Variants in VPS35L observed in about 807,000 individuals in gnomAD.
VPS35L encodes the protein VPS35 endosomal protein-sorting factor-like.
A neutral mutation model predicts 133.0 loss-of-function variants in VPS35L; 83 were observed. That is an observed-to-expected ratio of 0.62 (90% confidence interval 0.52 to 0.75). The LOEUF (loss-of-function observed/expected upper bound fraction) is 0.75, where lower values mean the gene tolerates loss of function less well. VPS35L is among the 30% of genes least tolerant of loss of function. The pLI is 0.00. For synonymous variants in VPS35L, 423 were observed against 449.9 expected, an observed-to-expected ratio of 0.94 and a Z score of 0.76; for missense variants, 1,083 against 1,206.8, an observed-to-expected ratio of 0.90 and a Z score of 1.52.
chr16:19,686,357 G>A (rs1003516881), intron 28 of VPS35L, among the ~76,000 whole-genome samples: 19 of 152,200 alleles, frequency 1.2e-4, no homozygotes, highest in African/African-American at 4.3e-4. Flanking sequence ...ACATTGCCTG[G>A]AGCAATCCCT....
At chr16:19,588,157 A>ATGT (rs1971930228) in intron 7 of VPS35L, among the ~76,000 whole-genome samples, 1 of 138,162 alleles carries the variant, frequency 7.2e-6, no homozygotes, top group African/African-American at 2.9e-5. Flanking sequence ...TGGGTAATAT[A>ATGT]AGTATGTATG....
intron 4 of VPS35L, among the ~76,000 whole-genome samples, chr16:19,573,740 G>A (rs1341140525): frequency 1.3e-5 from 2 of 152,124 alleles, no homozygotes; most frequent in Admixed American, 6.5e-5. Flanking sequence ...TTGAACCCGG[G>A]AAGTGGAGGT....
At chr16:19,604,879 T>G (rs1972494907) in intron 9 of VPS35L, among the ~76,000 whole-genome samples, 1 of 152,250 alleles carries the variant, frequency 6.6e-6, no homozygotes, top group African/African-American at 2.4e-5. Context: ...TTAGATGTGG[T>G]CATTTTTTCC....
At chr16:19,648,725 A>G (rs1395588954) in intron 24 of VPS35L, among the ~76,000 whole-genome samples, 2 of 151,926 alleles carry the variant, frequency 1.3e-5, no homozygotes, top group Admixed American at 6.6e-5. Context: ...AAAGTTAGTC[A>G]GGCGGGGTGG....
chr16:19,577,245 C>G (rs1032858880), intron 5 of VPS35L, among the ~76,000 whole-genome samples: 10 of 152,140 alleles, frequency 6.6e-5, no homozygotes, highest in African/African-American at 2.4e-4. Context: ...TGCTTCCACT[C>G]ATGGTGAAAG....
chr16:19,567,658 TG>T (rs1230235074), intron 2 of VPS35L, among the ~76,000 whole-genome samples: 1 of 152,042 alleles, frequency 6.6e-6, no homozygotes, highest in Non-Finnish European at 1.5e-5. Context: ...TCGACAGGTT[TG>T]AGGGCAAGGT....
rs60521137 is a variant in VPS35L, at chr16:19,622,140, C to CTTTTTTTTTTT, written c.1225-4025_1225-4015dup. Among the ~76,000 whole-genome samples the CTTTTTTTTTTT allele has an allele frequency of 1.4e-3, 154 of 107,896 alleles. 2 individuals are homozygous for CTTTTTTTTTTT. The highest frequency in any genetic ancestry group is 5.6e-3 in the East Asian group (17 of 3,030). The allele number at this position is 107,896 out of a possible 152,430, so 70.8% of individuals were successfully genotyped here. On this transcript the variant is annotated intron_variant, in intron 14 of 30. Coordinates refer to ENST00000417362, the MANE Select transcript of VPS35L (RefSeq NM_020314.7). The stretch of plus-strand genomic sequence containing the variant: ...TTGATTCCAGGATCTCCATGTATAT[C>CTTTTTTTTTTT]TTTTTTTTTTTTTTTTTTTTTTAAG...
At chr16:19,603,452 A>T (rs185482495) in intron 9 of VPS35L, among the ~76,000 whole-genome samples, 2 of 152,346 alleles carry the variant, frequency 1.3e-5, no homozygotes, top group African/African-American at 4.8e-5. Context: ...TATGTTGATT[A>T]CATGTTGAAA....
chr16:19,559,704 TC>T (rs1970966872), intron 1 of VPS35L, among the ~76,000 whole-genome samples: 1 of 152,140 alleles, frequency 6.6e-6, no homozygotes, highest in Admixed American at 6.5e-5. Context: ...AAGATTTATT[TC>T]CACAAGCAGT....
chr16:19,618,245 AG>A (rs1286927865), intron 14 of VPS35L, among the ~76,000 whole-genome samples: 3 of 152,170 alleles, frequency 2.0e-5, no homozygotes, highest in Non-Finnish European at 4.4e-5. Context: ...ACATGTTGAA[AG>A]CTGTACAGAA....
intron 4 of VPS35L, among the ~76,000 whole-genome samples, chr16:19,573,617 G>C (rs1326028103): frequency 2.0e-5 from 3 of 152,010 alleles, no homozygotes; most frequent in Non-Finnish European, 2.9e-5. Context: ...TCAGGAGTTC[G>C]AGACCAGCCT....
chr16:19,604,360 C>G (rs1223817495), intron 9 of VPS35L, among the ~76,000 whole-genome samples: 1 of 152,138 alleles, frequency 6.6e-6, no homozygotes, highest in African/African-American at 2.4e-5. Context: ...ATAACTAACT[C>G]CTTGCCTAAA....
chr16:19,663,604 A>AT (rs1019515266), intron 26 of VPS35L, among the ~76,000 whole-genome samples: 22 of 143,470 alleles, frequency 1.5e-4, no homozygotes, highest in African/African-American at 5.5e-4. Flanking sequence ...ACCTCAAAAC[A>AT]TATAGATCTG....
intron 9 of VPS35L, among the ~76,000 whole-genome samples, chr16:19,606,818 C>T (rs747322296): frequency 5.3e-5 from 8 of 152,166 alleles, no homozygotes; most frequent in Non-Finnish European, 1.2e-4. Flanking sequence ...TACTCTGTCT[C>T]GCTCTGCCCA....
At position 19,681,619 on chromosome 16, in the gene VPS35L, T is replaced by C. The variant is rs1225809910; in HGVS notation, c.2362-606T>C. Among the ~76,000 whole-genome samples the C allele has an allele frequency of 2.0e-5, 3 of 152,210 alleles. No individual in the cohort carries two copies. The East Asian group carries it at 5.8e-4, about 29-fold the overall frequency. On this transcript the variant is annotated intron_variant, in intron 27 of 30. Transcript: ENST00000417362. ...CTTACTTTTTTACACCCCAAAACTT[T>C]TTATAGATTCAGTTTAGCATCTGAG...
At chr16:19,644,856 G>A (rs754693151) in intron 22 of VPS35L, 30 bp from the exon 23 acceptor site, 66 of 1,497,542 alleles carry the variant, frequency 4.4e-5, no homozygotes, top group East Asian at 6.9e-5. Context: ...TATTACCTCC[G>A]TGTTAATTAT....
At chr16:19,696,696 C>T (rs1346664428) in intron 29 of VPS35L, among the ~76,000 whole-genome samples, 3 of 152,084 alleles carry the variant, frequency 2.0e-5, no homozygotes, top group South Asian at 2.1e-4. Flanking sequence ...CCCTCAGACA[C>T]GTCTCCAATG....
At position 19,652,305 on chromosome 16, in the gene VPS35L, A is replaced by G. The variant is rs572053833; in HGVS notation, c.2221+215A>G. ...AGTCCTCCTGAGTAGCTGGGACTGCAGGCGCACACCACCACACACAGCTAA... is the reference window on the plus strand; with the variant it reads ...AGTCCTCCTGAGTAGCTGGGACTGCGGGCGCACACCACCACACACAGCTAA... On this transcript the variant is annotated intron_variant, in intron 26 of 30. Transcript: ENST00000417362. 45 of 511,462 alleles carry G rather than the reference A, an allele frequency of 8.8e-5. No individual in the cohort carries two copies. The East Asian group carries it at 1.4e-3, about 16-fold the overall frequency. 31.7% of individuals were successfully genotyped at this position (511,462 alleles called of 1,614,324 possible). A position where few individuals can be genotyped will look rare whatever the true frequency, so the allele number is the denominator to read the frequency against.
At chr16:19,656,153 A>G (rs1468994415) in intron 26 of VPS35L, among the ~76,000 whole-genome samples, 2 of 151,272 alleles carry the variant, frequency 1.3e-5, no homozygotes, top group Non-Finnish European at 2.9e-5. Context: ...AATTCCAGCT[A>G]TTCAGGAGGC....
Sources: gnomAD v4.1 joint callset for allele counts (sites outside exome capture counted in the v4.1 genomes callset) on GRCh38, gnomAD v4.1.1 for gene constraint, MANE v1.5 for transcripts, NCBI Gene and HGNC (gene_info 2026-07-23, HGNC 2026-07-21) for gene names.